Variants in TNPO3 observed in about 807,000 individuals in gnomAD.
TNPO3 encodes the protein transportin-3.
In TNPO3, 65 loss-of-function variants were observed where a neutral mutation model predicts 122.8. That is an observed-to-expected ratio of 0.53 (90% CI 0.43 to 0.65). The LOEUF is 0.65. TNPO3 is among the 30% of genes least tolerant of loss of function. The pLI is 0.00. For synonymous variants in TNPO3, 372 were observed against 411.2 expected (o/e 0.90, Z 1.15); for missense variants, 850 against 1,136.7 (o/e 0.75, Z 3.63).
chr7:129,001,345 A>G (rs925459450), intron 5 of TNPO3, 111 bp from the exon 6 acceptor site: 1 of 827,762 alleles, frequency 1.2e-6, no homozygotes, highest in African/African-American at 1.7e-5. Flanking sequence ...AAATATTCAA[A>G]ATATAAGTAA....
At chr7:129,040,359 G>T (rs1159221064) in intron 1 of TNPO3, among the ~76,000 whole-genome samples, 1 of 151,934 alleles carries the variant, frequency 6.6e-6, no homozygotes, top group African/African-American at 2.4e-5. Flanking sequence ...GTAGTTGTGT[G>T]AACTATATTT....
intron 21 of TNPO3, among the ~76,000 whole-genome samples, chr7:128,958,137 CTTT>C (rs55683535): frequency 9.4e-5 from 9 of 96,218 alleles, no homozygotes; most frequent in East Asian, 3.0e-4. Context: ...GAAGCACTTC[CTTT>C]TTTTTTTTTT....
intron 10 of TNPO3, among the ~76,000 whole-genome samples, 179 bp downstream of exon 10, chr7:128,991,820 G>C (rs1800774019): frequency 6.6e-6 from 1 of 152,022 alleles, no homozygotes; most frequent in African/African-American, 2.4e-5. Context: ...TTAAAACATG[G>C]TATCAGCAAT....
At chr7:129,020,946 T>C (rs1038430121) in intron 1 of TNPO3, among the ~76,000 whole-genome samples, 5 of 152,136 alleles carry the variant, frequency 3.3e-5, no homozygotes, top group Non-Finnish European at 2.9e-5. Context: ...TCAGTAAATG[T>C]GGAAGCAGAG....
chr7:128,957,681 C>T, intron 21 of TNPO3, among the ~76,000 whole-genome samples: 1 of 152,190 alleles, frequency 6.6e-6, no homozygotes, highest in East Asian at 1.9e-4. Flanking sequence ...ATACAGAGTG[C>T]TTATGAAAAT....
intron 8 of TNPO3, among the ~76,000 whole-genome samples, chr7:128,995,806 C>G (rs1801250938): frequency 6.6e-6 from 1 of 152,224 alleles, no homozygotes; most frequent in African/African-American, 2.4e-5. Context: ...TCAAGTGATT[C>G]TCCTGCCTCA....
chr7:129,026,313 G>A (rs1450763280), intron 1 of TNPO3, among the ~76,000 whole-genome samples: 1 of 151,804 alleles, frequency 6.6e-6, no homozygotes, highest in Non-Finnish European at 1.5e-5. Context: ...TAATCTTAGA[G>A]GTAGAGATGC....
At chr7:128,982,169 A>G in intron 14 of TNPO3, 79 bp downstream of exon 14, 1 of 1,270,850 alleles carries the variant, frequency 7.9e-7, no homozygotes, top group Non-Finnish European at 1.1e-6. Context: ...ATGAGGAAAA[A>G]ATACTTGCTT....
At chr7:128,976,645 T>C (rs1265479726) in intron 16 of TNPO3, among the ~76,000 whole-genome samples, 1 of 152,092 alleles carries the variant, frequency 6.6e-6, no homozygotes, top group East Asian at 1.9e-4. Flanking sequence ...GGCCACGATA[T>C]GCGCTTAAAT....
At chr7:128,981,322 T>C (rs771588935) in intron 14 of TNPO3, among the ~76,000 whole-genome samples, 6 of 152,232 alleles carry the variant, frequency 3.9e-5, no homozygotes, top group Non-Finnish European at 7.3e-5. Flanking sequence ...CCAAAAATTA[T>C]AAATTATGTT....
chr7:129,055,925 A>G, upstream of TNPO3: 1 of 644,900 alleles, frequency 1.6e-6, no homozygotes, highest in Non-Finnish European at 2.8e-6. Context: ...TGTAGTTACA[A>G]GATCTCATTT....
In TNPO3 at chr7:129,050,105, T is replaced by C. The variant is rs553282292; in HGVS notation, c.120+4546A>G. On this transcript the variant is annotated intron_variant, in intron 1 of 22. Coordinates refer to ENST00000265388, the MANE Select transcript of TNPO3 (RefSeq NM_012470.4). Reference sequence around the variant, plus strand: ...TTAAAAAGGGTGAGGTGGGGTGGGCTGGGCGCAGTCACTCATGCCTGTAAT... The same window carrying C: ...TTAAAAAGGGTGAGGTGGGGTGGGCCGGGCGCAGTCACTCATGCCTGTAAT... Among the ~76,000 whole-genome samples, 10 of 152,046 alleles carry C rather than the reference T, an allele frequency of 6.6e-5. No homozygotes were observed. In the East Asian group the frequency reaches 9.6e-4, roughly 15 times the overall value.
chr7:129,025,384 A>C (rs1056084446), intron 1 of TNPO3, among the ~76,000 whole-genome samples: 1 of 137,616 alleles, frequency 7.3e-6, no homozygotes, highest in Non-Finnish European at 1.5e-5. Flanking sequence ...AAAAAAAAAA[A>C]AAAAAAAAAA....
chr7:129,054,155 A>G (rs963693352), intron 1 of TNPO3, among the ~76,000 whole-genome samples: 39 of 152,326 alleles, frequency 2.6e-4, no homozygotes, highest in African/African-American at 9.4e-4. Context: ...TAGAAACCTG[A>G]GAAGTTTCGA....
rs118042798 is a variant in TNPO3, at chr7:129,045,628, G to A, written c.120+9023C>T. On this transcript the variant is annotated intron_variant, in intron 1 of 22. Coordinates refer to ENST00000265388, the MANE Select transcript of TNPO3 (RefSeq NM_012470.4). ...CAATCAATCACTGTAAAAGAATGCT[G>A]AAGAAATATCTGAAAAACTTTGGAA... 6.7e-3 allele frequency among the ~76,000 whole-genome samples: 1,020 copies of A among 151,610 alleles called. 5 individuals carry two copies. The highest frequency in any genetic ancestry group is 0.011 in the Non-Finnish European group (751 of 67,936).
chr7:128,957,273 G>A lies in TNPO3; in HGVS notation c.2754C>T (p.Phe918=). Residue 918 remains phenylalanine (F), a synonymous_variant, in exon 22 of 23, where the codon TTC becomes TTT. Transcript: ENST00000265388. Reference sequence around the variant, plus strand: ...GTGTGAGCTATCGAAACAACCTGGTGAAGTCTCGCAAGGCCCAGCAAACTT... The same window carrying A: ...GTGTGAGCTATCGAAACAACCTGGTAAAGTCTCGCAAGGCCCAGCAAACTT... The part of the protein sequence containing the change: ...CKQVCWALRD[F]TRLFR The A allele has an allele frequency of 1.2e-6, 2 of 1,614,110 alleles. No individual in the cohort carries two copies. The highest frequency in any genetic ancestry group is 1.7e-6 in the Non-Finnish European group (2 of 1,179,962).
chr7:128,995,139 A>G (rs1228718037), intron 8 of TNPO3, among the ~76,000 whole-genome samples: 2 of 152,248 alleles, frequency 1.3e-5, no homozygotes, highest in Non-Finnish European at 2.9e-5. Context: ...AGATATAAAA[A>G]ACAAGCATAG....
intron 5 of TNPO3, among the ~76,000 whole-genome samples, chr7:129,003,551 GC>G (rs2150388124): frequency 6.6e-6 from 1 of 152,074 alleles, no homozygotes; most frequent in East Asian, 1.9e-4. Flanking sequence ...CTATATCCCA[GC>G]TACTTGGGAG....
chr7:128,982,033 A>G (rs1462014485), intron 14 of TNPO3, among the ~76,000 whole-genome samples: 2 of 149,850 alleles, frequency 1.3e-5, no homozygotes, highest in Admixed American at 6.8e-5. Flanking sequence ...CCGGCCTTCC[A>G]CTTTTTAAAG....
Sources: allele counts gnomAD v4.1 joint callset (sites outside exome capture counted in the v4.1 genomes callset), GRCh38; gene constraint gnomAD v4.1.1; transcripts MANE v1.5; gene names NCBI Gene and HGNC (gene_info 2026-07-23, HGNC 2026-07-21).